CADM2: variants seen among roughly 807,000 people sequenced by gnomAD.
CADM2 encodes the protein immunoglobulin superfamily member 4D.
CADM2 carries 12 observed loss-of-function variants against 49.8 expected under a neutral mutation model. That is an observed-to-expected ratio of 0.24 (90% confidence interval 0.15 to 0.39). The LOEUF (loss-of-function observed/expected upper bound fraction) is 0.39, where lower values mean the gene tolerates loss of function less well. Among genes scored for constraint, CADM2 ranks in the 10% least tolerant of loss-of-function variants. The pLI is 1.00. For synonymous variants in CADM2, 214 were observed against 175.4 expected (o/e 1.22, Z -1.74); for missense variants, 378 against 492.3 (o/e 0.77, Z 2.20).
At chr3:84,971,484 G>C (rs1187549118) in intron 1 of CADM2, among the ~76,000 whole-genome samples, 1 of 152,038 alleles carries the variant, frequency 6.6e-6, no homozygotes, top group Non-Finnish European at 1.5e-5. Flanking sequence ...TTACCATTTA[G>C]TAACTCCATT....
At chr3:85,386,338 A>G (rs1320693843) in intron 1 of CADM2, among the ~76,000 whole-genome samples, 4 of 152,168 alleles carry the variant, frequency 2.6e-5, no homozygotes, top group Admixed American at 6.5e-5. Flanking sequence ...GAAAGTATAA[A>G]GTATTAAGGA....
At chr3:85,504,269 T>TC (rs2040228967) in intron 1 of CADM2, among the ~76,000 whole-genome samples, 1 of 151,942 alleles carries the variant, frequency 6.6e-6, no homozygotes, top group African/African-American at 2.4e-5. Flanking sequence ...TGTTCCTTCC[T>TC]CCCGGTGGGC....
chr3:85,226,759 G>T (rs879823342), intron 1 of CADM2, among the ~76,000 whole-genome samples: 2 of 151,956 alleles, frequency 1.3e-5, no homozygotes, highest in African/African-American at 2.4e-5. Context: ...TATCTTGTGG[G>T]CATTTAGTGC....
chr3:85,035,729 T>C (rs1253908586), intron 1 of CADM2, among the ~76,000 whole-genome samples: 1 of 152,188 alleles, frequency 6.6e-6, no homozygotes, highest in Non-Finnish European at 1.5e-5. Context: ...ATGAGTTCTC[T>C]GTAGATGTAT....
intron 8 of CADM2, among the ~76,000 whole-genome samples, chr3:85,964,817 T>C (rs931456558): frequency 6.6e-6 from 1 of 151,832 alleles, no homozygotes; most frequent in Non-Finnish European, 1.5e-5. Flanking sequence ...GCCATAATTA[T>C]ACTAATTAAT....
At chr3:84,999,067 GCC>G (rs1174721075) in intron 1 of CADM2, among the ~76,000 whole-genome samples, 1 of 152,024 alleles carries the variant, frequency 6.6e-6, no homozygotes, top group Non-Finnish European at 1.5e-5. Flanking sequence ...AGAATACCAA[GCC>G]ACAAGCTATT....
At chr3:85,668,166 G>C (rs575064535) in intron 1 of CADM2, among the ~76,000 whole-genome samples, 2 of 151,152 alleles carry the variant, frequency 1.3e-5, no homozygotes, top group Admixed American at 6.6e-5. Context: ...GGTGGAGATG[G>C]CCCTTTCCTA....
rs978196307 is a variant in CADM2 at position 85,364,892 on chromosome 3, A to G, written c.62-361630A>G. 9.9e-5 allele frequency among the ~76,000 whole-genome samples: 15 copies of G among 152,102 alleles called. No individual in the cohort carries two copies. The East Asian group carries it at 1.4e-3, about 14-fold the overall frequency. The stretch of plus-strand genomic sequence containing the variant: ...TACAACAACAACAACAACAACAACA[A>G]CAACAACAACAACAATAAACTAGAA... On this transcript the variant is annotated intron_variant, in intron 1 of 9. Coordinates refer to ENST00000383699, the MANE Select transcript of CADM2 (RefSeq NM_001167675.2).
chr3:85,746,290 T>C (rs555934502), intron 2 of CADM2, among the ~76,000 whole-genome samples: 34 of 152,298 alleles, frequency 2.2e-4, no homozygotes, highest in Non-Finnish European at 4.6e-4. Flanking sequence ...TCTAGAAACA[T>C]ACCTGTTGAT....
At chr3:85,816,826 T>G (rs2108159851) in intron 3 of CADM2, among the ~76,000 whole-genome samples, 1 of 152,324 alleles carries the variant, frequency 6.6e-6, no homozygotes, top group South Asian at 2.1e-4. Flanking sequence ...ATATGTTAAA[T>G]AATATTAGCT....
chr3:85,549,166 C>A (rs922394378), intron 1 of CADM2, among the ~76,000 whole-genome samples: 8 of 152,128 alleles, frequency 5.3e-5, no homozygotes, highest in Admixed American at 1.3e-4. Flanking sequence ...TAATAATATG[C>A]TCACATCTGT....
At chr3:85,956,262 C>A (rs1724036755) in intron 7 of CADM2, among the ~76,000 whole-genome samples, 1 of 151,510 alleles carries the variant, frequency 6.6e-6, no homozygotes, top group East Asian at 2.0e-4. Flanking sequence ...GCCTGAACAG[C>A]AGGGAAGATT....
chr3:86,060,944 T>A (rs1211587832), intron 8 of CADM2, among the ~76,000 whole-genome samples: 1 of 151,910 alleles, frequency 6.6e-6, no homozygotes, highest in East Asian at 1.9e-4. Context: ...ATCGTGCCAC[T>A]GCACTCCAGC....
At chr3:85,368,329 G>A (rs528251257) in intron 1 of CADM2, among the ~76,000 whole-genome samples, 2 of 152,162 alleles carry the variant, frequency 1.3e-5, no homozygotes, top group South Asian at 4.1e-4. Context: ...AGTGTTGAAA[G>A]TGGTGTTTTA....
At chr3:85,367,294 G>A (rs557644632) in intron 1 of CADM2, among the ~76,000 whole-genome samples, 2 of 151,716 alleles carry the variant, frequency 1.3e-5, no homozygotes, top group Non-Finnish European at 2.9e-5. Context: ...TATTTATTTT[G>A]TACCTATCTG....
At chr3:85,256,566 A>C (rs2042890348) in intron 1 of CADM2, among the ~76,000 whole-genome samples, 1 of 152,074 alleles carries the variant, frequency 6.6e-6, no homozygotes, top group African/African-American at 2.4e-5. Context: ...AAACATTTCT[A>C]CCCCCAAATA....
chr3:85,963,219 A>G (rs952820866), intron 8 of CADM2, among the ~76,000 whole-genome samples: 3 of 151,974 alleles, frequency 2.0e-5, no homozygotes, highest in African/African-American at 7.2e-5. Context: ...CTATTCATGT[A>G]AAACATCTAG....
chr3:85,458,230 G>A (rs2038082329), intron 1 of CADM2, among the ~76,000 whole-genome samples: 1 of 152,062 alleles, frequency 6.6e-6, no homozygotes, highest in African/African-American at 2.4e-5. Flanking sequence ...TCTTTGGCAG[G>A]GATTTCATGT....
chr3:85,210,397 G>T (rs1046851666), intron 1 of CADM2, among the ~76,000 whole-genome samples: 1 of 151,830 alleles, frequency 6.6e-6, no homozygotes, highest in Non-Finnish European at 1.5e-5. Flanking sequence ...GAATATTTTT[G>T]CATTAATGTT....
Sources: allele counts gnomAD v4.1 joint callset (sites outside exome capture counted in the v4.1 genomes callset), GRCh38; gene constraint gnomAD v4.1.1; transcripts MANE v1.5; gene names NCBI Gene and HGNC (gene_info 2026-07-23, HGNC 2026-07-21).